The following DMD variants were observed in gnomAD, a reference collection of about 807,000 sequenced individuals.
The protein encoded by DMD is dystrophin.
A neutral mutation model predicts 330.1 loss-of-function variants in DMD; 63 were observed. The observed-to-expected ratio is 0.19, with a 90% CI of 0.16 to 0.24. The LOEUF (loss-of-function observed/expected upper bound fraction) is 0.24, where lower values mean the gene tolerates loss of function less well. DMD is among the 10% of genes least tolerant of loss of function. The pLI, the probability that DMD is intolerant of heterozygous loss-of-function variation, is 1.00. For missense variants in DMD, 3,344 were observed against 2,684.1 expected (o/e 1.25, Z -5.43); for synonymous variants, 1,223 against 959.8 (o/e 1.27, Z -5.07).
intron 44 of DMD, among the ~76,000 whole-genome samples, chrX:32,179,090 G>GT (rs2147443714): frequency 9.2e-6 from 1 of 109,224 alleles, no homozygotes; most frequent in South Asian, 4.0e-4. Flanking sequence ...GTGCCAGACT[G>GT]TTTTGGACAC....
intron 42 of DMD, among the ~76,000 whole-genome samples, chrX:32,288,130 G>A (rs6653869): frequency 0.056 from 6,193 of 110,509 alleles, 448 homozygotes; most frequent in African/African-American, 0.19. Context: ...TCTCAAGCCC[G>A]GACATCTCCT....
intron 12 of DMD, among the ~76,000 whole-genome samples, chrX:32,597,930 G>A (rs1602018590): frequency 8.9e-6 from 1 of 112,069 alleles, no homozygotes; most frequent in East Asian, 2.8e-4. Context: ...ACAAGTTTGG[G>A]ACATTTCCCG....
At chrX:32,185,663 A>T (rs1200783594) in intron 44 of DMD, among the ~76,000 whole-genome samples, 1 of 111,780 alleles carries the variant, frequency 8.9e-6, no homozygotes, top group Non-Finnish European at 1.9e-5. Context: ...ATTTGAGCTT[A>T]TCAGTCTTGA....
intron 62 of DMD, among the ~76,000 whole-genome samples, chrX:31,289,263 AAATAAAAAATAAAAT>A (rs1479185655): frequency 2.3e-5 from 2 of 85,596 alleles, no homozygotes; most frequent in Non-Finnish European, 4.4e-5. Flanking sequence ...AAAAAAAAAA[AAATAAAAAATAAAAT>A]AAAATCCATC....
intron 53 of DMD, among the ~76,000 whole-genome samples, chrX:31,671,086 G>T (rs942632915): frequency 3.6e-5 from 4 of 111,114 alleles, no homozygotes; most frequent in African/African-American, 9.8e-5. Context: ...CTAATTTTTT[G>T]TATTTTTAGC....
intron 55 of DMD, among the ~76,000 whole-genome samples, chrX:31,626,534 T>G (rs987099928): frequency 9.0e-6 from 1 of 110,795 alleles, no homozygotes; most frequent in Non-Finnish European, 1.9e-5. Context: ...TCAAACTAAC[T>G]CAACACGCAT....
intron 60 of DMD, among the ~76,000 whole-genome samples, chrX:31,422,199 G>A (rs1205184584): frequency 2.8e-5 from 3 of 108,131 alleles, no homozygotes; most frequent in Admixed American, 1.0e-4. Context: ...TAGTAGAGAC[G>A]GGGTTTCACC....
intron 1 of DMD, among the ~76,000 whole-genome samples, chrX:33,142,395 A>C (rs1318688912): frequency 8.8e-6 from 1 of 113,213 alleles, no homozygotes; most frequent in African/African-American, 3.2e-5. Context: ...AGGCTTTTAA[A>C]TTGGTGAAAA....
rs1556769787 is a variant in DMD at position 32,536,287 on chromosome X, A to AAAAAAAAAAC, written c.2168+8871_2168+8872insGTTTTTTTTT. Among the ~76,000 whole-genome samples, 98 of 106,036 alleles carry AAAAAAAAAAC rather than the reference A, an allele frequency of 9.2e-4. 1 individual carries two copies. The highest frequency in any genetic ancestry group is 3.4e-3 in the African/African-American group (94 of 27,306). The allele number at this position is 106,036 out of a possible 115,157, so 92.1% of individuals were successfully genotyped here. ...TCCAAAAAAAAAAAAAAAAAAAAAAAACACACAAATGGCTGAGAACTGCCT... is the reference window on the plus strand; with the variant it reads ...TCCAAAAAAAAAAAAAAAAAAAAAAAAAAAAAAAACACACACAAATGGCTGAGAACTGCCT... On this transcript the variant is annotated intron_variant, in intron 17 of 78. Transcript: ENST00000357033.
rs778918578 is a variant in DMD, at chrX:33,309,376, G to C, written c.7+29883C>G. Among the ~76,000 whole-genome samples, 4 of 110,921 alleles carry C rather than the reference G, an allele frequency of 3.6e-5. No homozygotes were observed. The East Asian group carries it at 1.1e-3, about 31-fold the overall frequency. ...TCTAGCCCTTTCTTTATATTCCCCA[G>C]TCAGCTTTGACAAATTGAGTATATG... On this transcript the variant is annotated intron_variant, in intron 1 of 17. Coordinates refer to the DMD transcript ENST00000288447.
At chrX:32,868,557 C>T (rs1236635071) in intron 2 of DMD, among the ~76,000 whole-genome samples, 2 of 112,238 alleles carry the variant, frequency 1.8e-5, no homozygotes, top group Non-Finnish European at 3.8e-5. Flanking sequence ...CCATTTTTCC[C>T]CTTCAGGTTT....
intron 21 of DMD, among the ~76,000 whole-genome samples, chrX:32,473,630 T>A (rs2040891703): frequency 9.0e-6 from 1 of 111,098 alleles, no homozygotes; most frequent in South Asian, 3.8e-4. Context: ...TCTTAGAGAG[T>A]GTGTTGGCAA....
At chrX:31,867,385 T>A (rs901628856) in intron 48 of DMD, among the ~76,000 whole-genome samples, 1 of 111,056 alleles carries the variant, frequency 9.0e-6, no homozygotes, top group Non-Finnish European at 1.9e-5. Flanking sequence ...TTTGAAATCT[T>A]TTATTGTCAT....
intron 1 of DMD, among the ~76,000 whole-genome samples, chrX:33,095,861 A>G (rs2095150617): frequency 2.7e-5 from 3 of 111,315 alleles, no homozygotes; most frequent in African/African-American, 9.8e-5. Context: ...AAATGAAGAC[A>G]GGATAGATAA....
intron 62 of DMD, among the ~76,000 whole-genome samples, chrX:31,307,128 T>G (rs911473436): frequency 2.7e-5 from 3 of 111,540 alleles, no homozygotes; most frequent in African/African-American, 9.8e-5. Context: ...TAGGTTTTAA[T>G]TTTAAAGAAG....
At chrX:32,406,044 C>T (rs1304644229) in intron 30 of DMD, among the ~76,000 whole-genome samples, 3 of 111,344 alleles carry the variant, frequency 2.7e-5, no homozygotes, top group Non-Finnish European at 5.7e-5. Flanking sequence ...CATGATTTGG[C>T]TCTCTGTTTG....
intron 44 of DMD, among the ~76,000 whole-genome samples, chrX:32,188,703 C>T (rs2096958397): frequency 9.2e-6 from 1 of 108,916 alleles, no homozygotes; most frequent in Non-Finnish European, 1.9e-5. Context: ...CCATAATATG[C>T]TTATTAATAA....
At chrX:32,051,505 T>A (rs181953825) in intron 44 of DMD, among the ~76,000 whole-genome samples, 179 of 110,000 alleles carry the variant, frequency 1.6e-3, no homozygotes, top group African/African-American at 5.8e-3. Flanking sequence ...CTACTTTTTA[T>A]GATGTTAAGT....
At chrX:33,305,745 A>G (rs1286619003) in intron 1 of DMD, among the ~76,000 whole-genome samples, 1 of 111,095 alleles carries the variant, frequency 9.0e-6, no homozygotes, top group Admixed American at 9.6e-5. Context: ...GTTATAAAAA[A>G]CCTTCAGTCT....
Sources: gnomAD v4.1 joint callset for allele counts (sites outside exome capture counted in the v4.1 genomes callset) on GRCh38, gnomAD v4.1.1 for gene constraint, MANE v1.5 for transcripts, NCBI Gene and HGNC (gene_info 2026-07-23, HGNC 2026-07-21) for gene names.